The following GPR158 variants were observed in gnomAD, a reference collection of about 807,000 sequenced individuals.
GPR158 encodes G protein-coupled receptor 158, also known as metabotropic glycine receptor.
GPR158 carries 30 observed loss-of-function variants against 78.2 expected under a neutral mutation model. That is an observed-to-expected ratio of 0.38 (90% confidence interval 0.29 to 0.52). The LOEUF is 0.52. Ranked by LOEUF, GPR158 falls within the 20% of genes least tolerant of loss-of-function variation. The pLI is 0.83. For missense variants in GPR158, 1,463 were observed against 1,523.5 expected (o/e 0.96, Z 0.66); for synonymous variants, 581 against 591.1 (o/e 0.98, Z 0.25).
At chr10:25,466,802 A>T in intron 5 of GPR158, 83 bp downstream of exon 5, 1 of 454,606 alleles carries the variant, frequency 2.2e-6, no homozygotes, top group East Asian at 7.2e-5. Context: ...ACACACACAC[A>T]CACATACACA....
At position 25,399,945 on chromosome 10, in the gene GPR158, C is replaced by T. The variant is rs149032168; in HGVS notation, c.1111+3932C>T. ...GCCCTTGAACCAAAGGTAAGAAAGG[C>T]ATTAGGGACCCAACATATGAGCTAA... On this transcript the variant is annotated intron_variant, in intron 3 of 10. Coordinates refer to ENST00000376351, the MANE Select transcript of GPR158 (RefSeq NM_020752.3). Among the ~76,000 whole-genome samples the T allele has an allele frequency of 5.9e-5, 9 of 152,278 alleles. No homozygotes were observed. The East Asian group carries it at 1.5e-3, about 26-fold the overall frequency.
intron 2 of GPR158, among the ~76,000 whole-genome samples, chr10:25,266,660 G>T (rs7095394): frequency 6.6e-5 from 10 of 152,060 alleles, no homozygotes; most frequent in Non-Finnish European, 1.5e-4. Context: ...AGAAGTAAAA[G>T]ACAAGGTTAG....
At chr10:25,343,103 G>A (rs994476067) in intron 2 of GPR158, among the ~76,000 whole-genome samples, 1 of 151,978 alleles carries the variant, frequency 6.6e-6, no homozygotes, top group Non-Finnish European at 1.5e-5. Context: ...GTCAAATGGA[G>A]ATGAGCTTAA....
At chr10:25,232,719 C>A (rs1030556282) in intron 2 of GPR158, among the ~76,000 whole-genome samples, 3 of 152,098 alleles carry the variant, frequency 2.0e-5, no homozygotes, top group African/African-American at 4.8e-5. Flanking sequence ...GTATTGAGAT[C>A]ACTTGAAAAC....
chr10:25,545,845 T>A (rs1836655311), intron 5 of GPR158, among the ~76,000 whole-genome samples: 1 of 152,170 alleles, frequency 6.6e-6, no homozygotes, highest in South Asian at 2.1e-4. Flanking sequence ...CCAGGTACTA[T>A]CTTAGGGAAT....
chr10:25,587,681 A>T (rs1837289213), intron 7 of GPR158, among the ~76,000 whole-genome samples: 1 of 152,204 alleles, frequency 6.6e-6, no homozygotes, highest in African/African-American at 2.4e-5. Context: ...TGAATAAGAC[A>T]GACCTACACT....
At chr10:25,539,477 C>A (rs1430189368) in intron 5 of GPR158, among the ~76,000 whole-genome samples, 1 of 151,336 alleles carries the variant, frequency 6.6e-6, no homozygotes, top group Non-Finnish European at 1.5e-5. Flanking sequence ...ACTTTGGGAA[C>A]TTGTCCTCTT....
chr10:25,585,350 G>T (rs780530621), intron 7 of GPR158, among the ~76,000 whole-genome samples: 6 of 152,138 alleles, frequency 3.9e-5, no homozygotes, highest in Non-Finnish European at 7.4e-5. Context: ...ACCTATGTGG[G>T]CAAAGGGAGA....
intron 5 of GPR158, among the ~76,000 whole-genome samples, chr10:25,537,651 C>T (rs1371019544): frequency 6.6e-6 from 1 of 152,046 alleles, no homozygotes; most frequent in African/African-American, 2.4e-5. Context: ...CCTGATATGG[C>T]CTGGATTTGT....
intron 2 of GPR158, among the ~76,000 whole-genome samples, chr10:25,349,087 T>C (rs570283426): frequency 6.6e-6 from 1 of 152,188 alleles, no homozygotes; most frequent in South Asian, 2.1e-4. Flanking sequence ...AATTCTGAAA[T>C]GAGTCTCACT....
intron 2 of GPR158, among the ~76,000 whole-genome samples, chr10:25,304,696 A>G (rs74126537): frequency 0.2 from 30,686 of 151,998 alleles, 5,217 homozygotes; most frequent in African/African-American, 0.47. Context: ...ACATATGAGG[A>G]TCGACGAACT....
chr10:25,367,335 A>T (rs1160506901), intron 2 of GPR158, among the ~76,000 whole-genome samples: 1 of 151,558 alleles, frequency 6.6e-6, no homozygotes, highest in Non-Finnish European at 1.5e-5. Flanking sequence ...ATTCTGAATC[A>T]TTGTGCAATT....
intron 4 of GPR158, among the ~76,000 whole-genome samples, chr10:25,436,464 A>G (rs1187423162): frequency 6.6e-6 from 1 of 152,232 alleles, no homozygotes; most frequent in Non-Finnish European, 1.5e-5. Context: ...AAGTATAGAA[A>G]GAAGAAAACA....
At chr10:25,457,383 A>G (rs1228478568) in intron 4 of GPR158, among the ~76,000 whole-genome samples, 1 of 151,956 alleles carries the variant, frequency 6.6e-6, no homozygotes, top group Non-Finnish European at 1.5e-5. Flanking sequence ...AGAATGTACA[A>G]TAACCCCTCA....
intron 3 of GPR158, among the ~76,000 whole-genome samples, chr10:25,400,825 A>G (rs1359677151): frequency 4.6e-5 from 7 of 152,132 alleles, no homozygotes; most frequent in African/African-American, 1.7e-4. Flanking sequence ...TACATTTCCA[A>G]ATCCAAATTT....
intron 1 of GPR158, among the ~76,000 whole-genome samples, chr10:25,204,193 C>A (rs1289953043): frequency 6.6e-6 from 1 of 152,332 alleles, no homozygotes; most frequent in Admixed American, 6.5e-5. Context: ...ATCATGTCAT[C>A]TGCAAACAAA....
chr10:25,353,249 T>C (rs1440390224), intron 2 of GPR158, among the ~76,000 whole-genome samples: 1 of 152,070 alleles, frequency 6.6e-6, no homozygotes, highest in Non-Finnish European at 1.5e-5. Flanking sequence ...TTAACATTTC[T>C]GTAGCACTTG....
intron 2 of GPR158, among the ~76,000 whole-genome samples, chr10:25,285,294 T>C (rs1206297294): frequency 1.3e-5 from 2 of 152,038 alleles, no homozygotes; most frequent in Admixed American, 1.3e-4. Context: ...TGCATTGATA[T>C]GTATGTATGT....
intron 4 of GPR158, among the ~76,000 whole-genome samples, chr10:25,423,915 G>A (rs1434148705): frequency 1.3e-5 from 2 of 152,128 alleles, no homozygotes; most frequent in Non-Finnish European, 2.9e-5. Flanking sequence ...TGGGATTGCT[G>A]GGTCAAATGG....
Sources: allele counts gnomAD v4.1 joint callset (sites outside exome capture counted in the v4.1 genomes callset), GRCh38; gene constraint gnomAD v4.1.1; transcripts MANE v1.5; gene names NCBI Gene and HGNC (gene_info 2026-07-23, HGNC 2026-07-21).